The following DPP6 variants were observed in gnomAD, a reference collection of about 807,000 sequenced individuals.
The protein encoded by DPP6 is A-type potassium channel modulatory protein DPP6.
A neutral mutation model predicts 122.6 loss-of-function variants in DPP6; 69 were observed. The ratio of observed to expected loss-of-function variants is 0.56; its 90% CI spans 0.46 to 0.69. The LOEUF (loss-of-function observed/expected upper bound fraction) is 0.69, where lower values mean the gene tolerates loss of function less well. Among genes scored for constraint, DPP6 ranks in the 30% least tolerant of loss-of-function variants. DPP6 has a pLI of 0.00. For synonymous variants in DPP6, 418 were observed against 433.1 expected, an observed-to-expected ratio of 0.97 and a Z score of 0.43; for missense variants, 928 against 1,116.9, an observed-to-expected ratio of 0.83 and a Z score of 2.41.
chr7:154,579,435 AGATTCGGTAGGTATCTAGCTCT>A (rs1338046359), intron 5 of DPP6, among the ~76,000 whole-genome samples: 1 of 152,264 alleles, frequency 6.6e-6, no homozygotes, highest in Non-Finnish European at 1.5e-5. Flanking sequence ...ATTCATGAGG[AGATTCGGTAGGTATCTAGCTCT>A]GATTAAATGA....
At position 153,980,789 on chromosome 7, in the gene DPP6, T is replaced by C. The variant is rs541180951; in HGVS notation, c.51+93055T>C. On this transcript the variant is annotated intron_variant, in intron 1 of 25. Coordinates refer to the DPP6 transcript ENST00000404039. ...TTCAAAGAACTTACTTATTTCTGCC[T>C]TAATTTCATTATTTACCCAGTAGTC... 1.2e-4 allele frequency among the ~76,000 whole-genome samples: 18 copies of C among 152,336 alleles called. No individual in the cohort carries two copies. The South Asian group carries it at 3.3e-3, about 28-fold the overall frequency.
chr7:154,202,088 A>G (rs1269660754), intron 1 of DPP6, among the ~76,000 whole-genome samples: 2 of 152,192 alleles, frequency 1.3e-5, no homozygotes, highest in African/African-American at 4.8e-5. Context: ...GGGAATTTAA[A>G]TAAGTAAATC....
intron 5 of DPP6, among the ~76,000 whole-genome samples, chr7:154,590,913 C>T (rs930317361): frequency 1.3e-5 from 2 of 152,118 alleles, no homozygotes; most frequent in East Asian, 1.9e-4. Context: ...ATGATGGCCT[C>T]GACAAGGAAT....
intron 1 of DPP6, among the ~76,000 whole-genome samples, chr7:153,996,443 ACCT>A (rs1797438286): frequency 1.3e-5 from 2 of 151,288 alleles, no homozygotes; most frequent in Admixed American, 6.6e-5. Flanking sequence ...CCTCAGGAAA[ACCT>A]CCTCTGGCCA....
At chr7:153,787,241 C>T in the DPP6 span, among the ~76,000 whole-genome samples, 6 of 145,156 alleles carry the variant, frequency 4.1e-5, 1 homozygote, top group Middle Eastern at 3.8e-3. Flanking sequence ...TGAGCCACTG[C>T]GCCCGGCCAC....
intron 1 of DPP6, among the ~76,000 whole-genome samples, chr7:153,944,175 CG>C (rs1489976041): frequency 1.3e-5 from 2 of 152,202 alleles, no homozygotes; most frequent in Non-Finnish European, 2.9e-5. Flanking sequence ...CCAGCACAGC[CG>C]GGGCTCGGTC....
At chr7:154,769,963 G>T (rs987065441) in intron 9 of DPP6, among the ~76,000 whole-genome samples, 2 of 152,146 alleles carry the variant, frequency 1.3e-5, no homozygotes, top group African/African-American at 4.8e-5. Flanking sequence ...TCTGGGCAAG[G>T]CTGTTTTGTT....
chr7:154,406,222 G>T (rs61467666), intron 1 of DPP6, among the ~76,000 whole-genome samples: 1 of 152,110 alleles, frequency 6.6e-6, no homozygotes, highest in African/African-American at 2.4e-5. Context: ...TTTAAATTTT[G>T]AAAAGGTAAG....
intron 6 of DPP6, among the ~76,000 whole-genome samples, chr7:154,638,275 C>T (rs1199349293): frequency 6.6e-6 from 1 of 152,164 alleles, no homozygotes; most frequent in East Asian, 1.9e-4. Context: ...GAATAGAAGC[C>T]TCTCTCAGCC....
chr7:154,588,281 C>A, intron 5 of DPP6: 2 of 888,036 alleles, frequency 2.3e-6, no homozygotes, highest in Non-Finnish European at 3.3e-6. Context: ...CAGCAATGGA[C>A]CCTCGTGAAT....
intron 1 of DPP6, among the ~76,000 whole-genome samples, chr7:154,274,311 G>C (rs1471054024): frequency 1.3e-5 from 2 of 152,172 alleles, no homozygotes; most frequent in African/African-American, 2.4e-5. Flanking sequence ...TAGTTCCTCA[G>C]TCATATCACT....
At chr7:154,795,088 G>C (rs1211810559) in intron 11 of DPP6, among the ~76,000 whole-genome samples, 5 of 152,078 alleles carry the variant, frequency 3.3e-5, no homozygotes, top group Admixed American at 3.3e-4. Flanking sequence ...TGATGAGCTT[G>C]CTTGAGGGGA....
At chr7:154,061,200 C>T (rs1281370742) in intron 1 of DPP6, among the ~76,000 whole-genome samples, 2 of 148,972 alleles carry the variant, frequency 1.3e-5, no homozygotes, top group Admixed American at 6.7e-5. Flanking sequence ...CAGTATTAGC[C>T]AAGCCTTTGT....
chr7:153,977,972 G>A (rs1412130021), intron 1 of DPP6, among the ~76,000 whole-genome samples: 35 of 152,068 alleles, frequency 2.3e-4, no homozygotes, highest in Non-Finnish European at 4.7e-4. Flanking sequence ...ATTTGGGTTG[G>A]TTCCAAGTCT....
chr7:153,764,512 A>G, the DPP6 span, among the ~76,000 whole-genome samples: 1 of 151,806 alleles, frequency 6.6e-6, no homozygotes, highest in Non-Finnish European at 1.5e-5. Flanking sequence ...GAAAGGATAC[A>G]GCGTCACATG....
chr7:154,392,188 G>A (rs1046052848), intron 1 of DPP6, among the ~76,000 whole-genome samples: 1 of 152,090 alleles, frequency 6.6e-6, no homozygotes, highest in Non-Finnish European at 1.5e-5. Flanking sequence ...CAGGAGAATC[G>A]CTTGAACCTG....
chr7:154,883,549 C>T lies in DPP6; in HGVS notation c.2134-2084C>T, dbSNP rs1395364851. The T allele has an allele frequency of 4.1e-5, 3 of 73,698 alleles. No individual in the cohort carries two copies. The East Asian group carries it at 2.1e-3, about 52-fold the overall frequency. 4.6% of individuals were successfully genotyped at this position (73,698 alleles called of 1,614,324 possible). On this transcript the variant is annotated intron_variant, in intron 21 of 25. Transcript: ENST00000377770. The stretch of plus-strand genomic sequence containing the variant: ...TCACACACGCTCACACATTCACACA[C>T]ACCTGCTCACACATACACATACATG...
At chr7:154,333,222 C>T (rs1287050589) in intron 1 of DPP6, among the ~76,000 whole-genome samples, 1 of 151,612 alleles carries the variant, frequency 6.6e-6, no homozygotes, top group Non-Finnish European at 1.5e-5. Context: ...ACATGTTTGA[C>T]TATGTGAGGA....
the DPP6 span, among the ~76,000 whole-genome samples, chr7:153,823,689 G>A: frequency 6.6e-6 from 1 of 151,604 alleles, no homozygotes; most frequent in South Asian, 2.1e-4. Flanking sequence ...TGGGAGAGCT[G>A]GGAAGATTCC....
Sources: gnomAD v4.1 joint callset for allele counts (sites outside exome capture counted in the v4.1 genomes callset) on GRCh38, gnomAD v4.1.1 for gene constraint, MANE v1.5 for transcripts, NCBI Gene and HGNC (gene_info 2026-07-23, HGNC 2026-07-21) for gene names.